Variants in NDST4 observed in about 807,000 individuals in gnomAD.
The protein encoded by NDST4 is N-deacetylase and N-sulfotransferase 4.
A neutral mutation model predicts 100.8 loss-of-function variants in NDST4; 63 were observed. That is an observed-to-expected ratio of 0.62 (90% confidence interval 0.51 to 0.77). The LOEUF is 0.77. Ranked by LOEUF, NDST4 falls within the 30% of genes least tolerant of loss-of-function variation. The pLI is 0.00. For missense variants in NDST4, 943 were observed against 1,018.4 expected, an observed-to-expected ratio of 0.93 and a Z score of 1.01; for synonymous variants, 377 against 361.8, an observed-to-expected ratio of 1.04 and a Z score of -0.48.
intron 2 of NDST4, among the ~76,000 whole-genome samples, chr4:115,070,210 G>A (rs1729044971): frequency 6.6e-6 from 1 of 152,152 alleles, no homozygotes; most frequent in Non-Finnish European, 1.5e-5. Flanking sequence ...AGAAAATATA[G>A]TACATATACA....
At chr4:114,984,398 C>T (rs573332366) in intron 2 of NDST4, among the ~76,000 whole-genome samples, 165 of 135,258 alleles carry the variant, frequency 1.2e-3, no homozygotes, top group Non-Finnish European at 2.1e-3. Context: ...AGGCTGATCT[C>T]GAACTCCTGA....
intron 1 of NDST4, among the ~76,000 whole-genome samples, chr4:115,080,599 C>T (rs981736217): frequency 6.6e-6 from 1 of 151,862 alleles, no homozygotes; most frequent in African/African-American, 2.4e-5. Context: ...ATATTATATC[C>T]TCTACTTTTA....
At chr4:114,920,216 ATATAT>A (rs1011861620) in intron 6 of NDST4, among the ~76,000 whole-genome samples, 8 of 152,148 alleles carry the variant, frequency 5.3e-5, no homozygotes, top group Admixed American at 4.6e-4. Flanking sequence ...GGGCAGTGTG[ATATAT>A]TTAATTTCTT....
chr4:114,949,517 A>C (rs1028245677), intron 4 of NDST4, among the ~76,000 whole-genome samples: 1 of 152,054 alleles, frequency 6.6e-6, no homozygotes, highest in Non-Finnish European at 1.5e-5. Context: ...CAGCAGTTTA[A>C]GATTGCCAAA....
chr4:114,845,734 A>T, intron 10 of NDST4, 89 bp downstream of exon 10: 1 of 1,189,472 alleles, frequency 8.4e-7, no homozygotes, highest in Admixed American at 2.5e-5. Flanking sequence ...TTGACTTTTC[A>T]TATGTTTAGG....
intron 2 of NDST4, among the ~76,000 whole-genome samples, chr4:115,039,258 G>A (rs975266032): frequency 1.3e-5 from 2 of 152,082 alleles, no homozygotes; most frequent in Non-Finnish European, 2.9e-5. Context: ...AAATCCCGAA[G>A]GATGCCCACT....
intron 2 of NDST4, among the ~76,000 whole-genome samples, chr4:115,048,703 T>C (rs1728517283): frequency 6.6e-6 from 1 of 152,030 alleles, no homozygotes; most frequent in African/African-American, 2.4e-5. Flanking sequence ...AGGGGCATGA[T>C]CTGGGCTCAT....
Position 114,919,244 on chromosome 4 carries a change from T to G in NDST4, c.1536+15962A>C, listed in dbSNP as rs140403547. Among the ~76,000 whole-genome samples the G allele has an allele frequency of 2.9e-3, 436 of 152,254 alleles. 1 individual carries two copies. The highest frequency in any genetic ancestry group is 4.8e-3 in the Non-Finnish European group (327 of 68,016). On this transcript the variant is annotated intron_variant, in intron 6 of 13. Coordinates refer to ENST00000264363, the MANE Select transcript of NDST4 (RefSeq NM_022569.3). ...AATGTGGCTGGGCTTACTGAGCTAA[T>G]GTGGAGTTGATTGTTGGTGATATGA...
intron 2 of NDST4, among the ~76,000 whole-genome samples, chr4:115,030,311 T>C (rs931735714): frequency 2.0e-5 from 3 of 152,122 alleles, no homozygotes; most frequent in Non-Finnish European, 2.9e-5. Context: ...GTGGTATCCA[T>C]TTGAATGTAT....
At chr4:115,039,191 T>C (rs1401826032) in intron 2 of NDST4, among the ~76,000 whole-genome samples, 1 of 152,014 alleles carries the variant, frequency 6.6e-6, no homozygotes, top group African/African-American at 2.4e-5. Context: ...CCAGCATTTG[T>C]AGAGGAGGAA....
chr4:115,042,418 C>G (rs1322703350), intron 2 of NDST4, among the ~76,000 whole-genome samples: 2 of 151,992 alleles, frequency 1.3e-5, no homozygotes, highest in South Asian at 4.2e-4. Flanking sequence ...CCTCGCTTTG[C>G]CTTATCACAT....
At chr4:114,991,908 C>T (rs1727048034) in intron 2 of NDST4, among the ~76,000 whole-genome samples, 1 of 151,722 alleles carries the variant, frequency 6.6e-6, no homozygotes, top group African/African-American at 2.4e-5. Flanking sequence ...GTACATATGC[C>T]TTCAATAACT....
intron 4 of NDST4, among the ~76,000 whole-genome samples, chr4:114,958,103 G>A (rs541947168): frequency 7.2e-5 from 11 of 152,226 alleles, no homozygotes; most frequent in Non-Finnish European, 1.5e-4. Flanking sequence ...GGGATTCTGT[G>A]TGGGGGCTCC....
chr4:114,838,309 C>T (rs1723345927), intron 11 of NDST4, among the ~76,000 whole-genome samples: 1 of 152,086 alleles, frequency 6.6e-6, no homozygotes, highest in African/African-American at 2.4e-5. Context: ...CCCAGCAATC[C>T]CATTACTGGG....
intron 6 of NDST4, among the ~76,000 whole-genome samples, chr4:114,926,831 A>C (rs1725396030): frequency 6.6e-6 from 1 of 152,134 alleles, no homozygotes; most frequent in African/African-American, 2.4e-5. Flanking sequence ...TGAATTCCCA[A>C]GGCAATAAGA....
intron 2 of NDST4, among the ~76,000 whole-genome samples, chr4:115,030,074 C>A (rs914722625): frequency 6.6e-6 from 1 of 151,774 alleles, no homozygotes; most frequent in Non-Finnish European, 1.5e-5. Context: ...TGAAGAGGAA[C>A]AATGAAAAAG....
intron 4 of NDST4, among the ~76,000 whole-genome samples, chr4:114,938,471 C>T (rs898420262): frequency 2.0e-5 from 3 of 152,094 alleles, no homozygotes; most frequent in African/African-American, 7.2e-5. Context: ...TTCTTTATAT[C>T]CCTCCCTTTA....
intron 4 of NDST4, among the ~76,000 whole-genome samples, chr4:114,961,008 G>A (rs1332359992): frequency 6.6e-6 from 1 of 152,106 alleles, no homozygotes; most frequent in East Asian, 1.9e-4. Flanking sequence ...GAGGAATAGA[G>A]TTATGTAAAT....
At chr4:115,028,838 A>T (rs1728045851) in intron 2 of NDST4, among the ~76,000 whole-genome samples, 1 of 152,152 alleles carries the variant, frequency 6.6e-6, no homozygotes, top group East Asian at 1.9e-4. Flanking sequence ...TCCTCACAGG[A>T]AGCATGCCAC....
Sources: allele counts gnomAD v4.1 joint callset (sites outside exome capture counted in the v4.1 genomes callset), GRCh38; gene constraint gnomAD v4.1.1; transcripts MANE v1.5; gene names NCBI Gene and HGNC (gene_info 2026-07-23, HGNC 2026-07-21).